The following CEP295 variants were observed in gnomAD, a reference collection of about 807,000 sequenced individuals.
CEP295 encodes the protein centrosomal protein of 295 kDa.
Under a neutral mutation model 291.6 loss-of-function variants are expected in CEP295, and 190 were observed. The ratio of observed to expected loss-of-function variants is 0.65; its 90% CI spans 0.58 to 0.73. The LOEUF (loss-of-function observed/expected upper bound fraction) is 0.73. Ranked by LOEUF, CEP295 falls within the 30% of genes least tolerant of loss-of-function variation. The pLI is 0.00. For synonymous variants in CEP295, 993 were observed against 1,038.8 expected (o/e 0.96, Z 0.85); for missense variants, 2,863 against 2,949.4 (o/e 0.97, Z 0.68).
intron 18 of CEP295, among the ~76,000 whole-genome samples, chr11:93,708,979 T>G (rs954962027): frequency 6.6e-6 from 1 of 152,238 alleles, no homozygotes; most frequent in African/African-American, 2.4e-5. Flanking sequence ...TTTTGCCCAT[T>G]TTTTAATCAG....
chr11:93,684,187 A>G, intron 9 of CEP295, 59 bp downstream of exon 9: 2 of 1,457,992 alleles, frequency 1.4e-6, no homozygotes, highest in Non-Finnish European at 9.3e-7. Flanking sequence ...AATGCTAACC[A>G]TTAGCCAGCA....
rs139343093 is a variant in CEP295, at chr11:93,682,821, C to T, written c.766-738C>T. Among the ~76,000 whole-genome samples, 190 of 152,244 alleles carry T rather than the reference C, an allele frequency of 1.2e-3. 1 individual carries two copies. Among genetic ancestry groups the T allele is most frequent in the Non-Finnish European group, 2.4e-3 (164 of 68,016 alleles). On this transcript the variant is annotated intron_variant, in intron 7 of 29. Coordinates refer to ENST00000325212, the MANE Select transcript of CEP295 (RefSeq NM_033395.2). ...GAACAGTGTGCTATTTTCTGAATAT[C>T]CCGTGCCTTCATCTCCATACTGTTG...
Position 93,698,903 on chromosome 11 carries a change from C to A in CEP295, c.3991C>A (p.Pro1331Thr). ...AATTTTTTCAAGCCACCTTCAGATC[C>A]CACAATTGCAGGATAGGCTTTTGAG... is the stretch of plus-strand genomic sequence containing the variant. ...SKIFSSHLQI[P>T]QLQDRLLRIS... Residue 1331 changes from proline (P) to threonine (T), a missense_variant, in exon 15 of 30, where the codon CCA (proline) becomes ACA (threonine). By Grantham distance (38) the Pro-to-Thr change is conservative (BLOSUM62 -1). Transcript: ENST00000325212. 6.4e-7 allele frequency: 1 copy of A among 1,551,634 alleles called. No individual in the cohort carries two copies.
At position 93,729,948 on chromosome 11, in the gene CEP295, T is replaced by C. The variant is rs10360; in HGVS notation, c.7646T>C (p.Leu2549Pro). The change falls in exon 28 of 30, where the codon CTA (leucine) becomes CCA (proline). Residue 2549 changes from leucine (L) to proline (P), a missense_variant. By Grantham distance (98) the Leu-to-Pro change is moderately conservative (BLOSUM62 -3). Transcript: ENST00000325212. ...FPEDRKTTQA[L>P]RHQRGLRLYN... ...GAAGACAGAAAGACTACACAGGCTC[T>C]AAGGCACCAAAGGGGTCTAAGGTAG... is the stretch of plus-strand genomic sequence containing the variant. 6.5e-7 allele frequency: 1 copy of C among 1,545,000 alleles called. No individual in the cohort carries two copies. The highest frequency in any genetic ancestry group is 8.7e-7 in the Non-Finnish European group (1 of 1,145,294).
In CEP295 at chr11:93,725,836, G is replaced by A. The variant is rs1210563455; in HGVS notation, c.6499+5G>A. 9 of 1,547,428 alleles carry A rather than the reference G, an allele frequency of 5.8e-6. No homozygotes were observed. The highest frequency in any genetic ancestry group is 4.4e-6 in the Non-Finnish European group (5 of 1,145,362). ...CTACAGAAAATATTATTGGGGGTATGTATGACTAAGTTAGAAAAAGTTAAT... is the reference window on the plus strand; with the variant it reads ...CTACAGAAAATATTATTGGGGGTATATATGACTAAGTTAGAAAAAGTTAAT... On this transcript the variant is annotated splice_donor_5th_base_variant and intron_variant, in intron 23 of 29. Coordinates refer to ENST00000325212, the MANE Select transcript of CEP295 (RefSeq NM_033395.2).
chr11:93,698,122 T>G lies in CEP295; in HGVS notation c.3210T>G (p.Thr1070=). ...AACAGTTGACTAAACAGAGGGATAC[T>G]CTTCAGGCTAGGCATGAAGCTCAGG... The part of the protein sequence containing the change: ...LQEQLTKQRD[T]LQARHEAQVE... The change falls in exon 15 of 30, where the codon ACT becomes ACG. Residue 1070 remains threonine, a synonymous_variant. Coordinates refer to ENST00000325212, the MANE Select transcript of CEP295 (RefSeq NM_033395.2). 9 of 1,552,042 alleles carry G rather than the reference T, an allele frequency of 5.8e-6. No individual in the cohort carries two copies. Among genetic ancestry groups the G allele is most frequent in the Non-Finnish European group, 5.2e-6 (6 of 1,147,064 alleles).
chr11:93,722,005 A>T lies in CEP295; in HGVS notation c.5902A>T (p.Ser1968Cys). Residue 1968 changes from serine (S) to cysteine (C), a missense_variant, in exon 20 of 30, where the codon AGC (serine) becomes TGC (cysteine). Ser to Cys is a moderately radical substitution (Grantham distance 112, BLOSUM62 -1). This residue lies in a region of CEP295 where 2,295 missense variants were observed against 2,335.7 expected (regional missense o/e 0.98). Transcript: ENST00000325212. ...PLSSATVSTG[S>C]LLSYENTDLS... is the part of the protein sequence containing the mutation. ...ATCTTCAGCAACTGTTTCCACTGGG[A>T]GCCTTTTAAGTTATGAAAACACAGA... is the stretch of plus-strand genomic sequence containing the variant. 12 of 1,573,638 alleles carry T rather than the reference A, an allele frequency of 7.6e-6. No homozygotes were observed. Among genetic ancestry groups the T allele is most frequent in the Non-Finnish European group, 1.0e-5 (12 of 1,157,134 alleles).
chr11:93,721,701 T>TGTGA, intron 19 of CEP295: 1 of 644,442 alleles, frequency 1.6e-6, no homozygotes, highest in Non-Finnish European at 2.8e-6. Flanking sequence ...TGTGTGTGTG[T>TGTGA]ACGCACATGT....
chr11:93,666,185 A>G (rs1267141852), intron 1 of CEP295, among the ~76,000 whole-genome samples: 2 of 152,176 alleles, frequency 1.3e-5, no homozygotes, highest in Admixed American at 6.5e-5. Context: ...TCTGAGTATC[A>G]CTGATCTAAG....
chr11:93,714,926 A>G (rs1953139166), intron 18 of CEP295, among the ~76,000 whole-genome samples: 1 of 152,028 alleles, frequency 6.6e-6, no homozygotes, highest in Admixed American at 6.6e-5. Context: ...ATCATCTCTG[A>G]GACTGTGCTG....
chr11:93,687,716 G>A lies in CEP295; in HGVS notation c.1187G>A (p.Ser396Asn). 6.5e-7 allele frequency: 1 copy of A among 1,548,810 alleles called. No individual in the cohort carries two copies. The highest frequency in any genetic ancestry group is 8.7e-7 in the Non-Finnish European group (1 of 1,144,890). The change falls in exon 10 of 30, where the codon AGC becomes AAC. Residue 396 changes from serine to asparagine, a missense_variant. Transcript: ENST00000325212. Reference protein sequence around the residue: ...LFKKLLNKIRSQKSLWTIKSM... With the variant: ...LFKKLLNKIRNQKSLWTIKSM... ...AAAAAATTATTAAATAAGATCCGAA[G>A]CCAAAAATCTCTCTGGACAATTAAA...
rs118104878 is a variant in CEP295, at chr11:93,662,748, A to G, written c.-27+974A>G. Among the ~76,000 whole-genome samples, 31 of 152,356 alleles carry G rather than the reference A, an allele frequency of 2.0e-4. No individual in the cohort carries two copies. In the East Asian group the frequency reaches 5.0e-3, roughly 25 times the overall value. On this transcript the variant is annotated intron_variant, in intron 1 of 29. Transcript: ENST00000325212. ...CAGTCATCAATGGATACTAACGTCA[A>G]TGGGCAAAAGTATGATGAAAAGCAT...
In CEP295 at chr11:93,687,817, G is replaced by A. The variant is rs1222845998; in HGVS notation, c.1288G>A (p.Gly430Arg). 5 of 1,551,148 alleles carry A rather than the reference G, an allele frequency of 3.2e-6. No homozygotes were observed. Among genetic ancestry groups the A allele is most frequent in the Non-Finnish European group, 4.4e-6 (5 of 1,146,740 alleles). ...GAGTAAAGCACCAACGGTTGAGTCA[G>A]GAACAATTGCCAGCAAAGAGAGAAC... Reference protein sequence around the residue: ...IESKAPTVESGTIASKERTLS... With the variant: ...IESKAPTVESRTIASKERTLS... Residue 430 changes from glycine to arginine, a missense_variant, in exon 10 of 30, where the codon GGA becomes AGA. This residue lies in a region of CEP295 where 554 missense variants were observed against 576.0 expected (regional missense o/e 0.96). Transcript: ENST00000325212.
intron 10 of CEP295, among the ~76,000 whole-genome samples, chr11:93,691,292 T>C (rs1951541442): frequency 6.6e-6 from 1 of 152,226 alleles, no homozygotes; most frequent in African/African-American, 2.4e-5. Flanking sequence ...AACTTCCTTC[T>C]CTGCTCTGGT....
At chr11:93,664,414 T>C (rs1277329336) in intron 1 of CEP295, among the ~76,000 whole-genome samples, 2 of 152,256 alleles carry the variant, frequency 1.3e-5, no homozygotes, top group Admixed American at 6.5e-5. Context: ...CAAGAGGCCT[T>C]GTTTCTTCAT....
intron 18 of CEP295, among the ~76,000 whole-genome samples, chr11:93,714,026 C>T (rs1283360702): frequency 6.6e-6 from 1 of 152,084 alleles, no homozygotes; most frequent in Non-Finnish European, 1.5e-5. Flanking sequence ...TCACTGCCTT[C>T]ATTTTATTTA....
At chr11:93,711,544 C>G (rs183888510) in intron 18 of CEP295, among the ~76,000 whole-genome samples, 2 of 152,034 alleles carry the variant, frequency 1.3e-5, no homozygotes, top group African/African-American at 4.8e-5. Context: ...GCTCTGTCAT[C>G]CAGGCTGGAG....
chr11:93,691,428 T>C (rs1951548122), intron 10 of CEP295, among the ~76,000 whole-genome samples: 1 of 152,244 alleles, frequency 6.6e-6, no homozygotes, highest in Admixed American at 6.5e-5. Flanking sequence ...TTCTCCTATG[T>C]TTGAAATCCT....
intron 15 of CEP295, among the ~76,000 whole-genome samples, chr11:93,700,426 C>CTTT (rs11410177): frequency 7.7e-5 from 10 of 129,354 alleles, no homozygotes; most frequent in African/African-American, 2.0e-4. Flanking sequence ...TTTGTTTTTG[C>CTTT]TTTTTTTTTT....
Sources: gnomAD v4.1 joint callset for allele counts (sites outside exome capture counted in the v4.1 genomes callset) on GRCh38, gnomAD v4.1.1 for gene constraint, gnomAD v4.1.1 regional missense constraint, MANE v1.5 for transcripts, NCBI Gene and HGNC (gene_info 2026-07-23, HGNC 2026-07-21) for gene names.